The following DLGAP2 variants were observed in gnomAD, a reference collection of about 807,000 sequenced individuals.
DLGAP2 encodes the protein DLG associated protein 2.
A neutral mutation model predicts 100.3 loss-of-function variants in DLGAP2; 26 were observed. That is an observed-to-expected ratio of 0.26 (90% CI 0.19 to 0.36). The LOEUF (loss-of-function observed/expected upper bound fraction) is 0.36, where lower values mean the gene tolerates loss of function less well. DLGAP2 is among the 10% of genes least tolerant of loss of function. DLGAP2 has a pLI of 1.00. For missense variants in DLGAP2, 1,858 were observed against 1,453.2 expected (o/e 1.28, Z -4.53); for synonymous variants, 886 against 630.1 (o/e 1.41, Z -6.08).
At chr8:859,082 C>T (rs1316221161) in intron 1 of DLGAP2, among the ~76,000 whole-genome samples, 1 of 151,384 alleles carries the variant, frequency 6.6e-6, no homozygotes, top group Non-Finnish European at 1.5e-5. Flanking sequence ...TCACTAAAAA[C>T]CTGAGACATA....
At chr8:1,249,837 A>T (rs1563039115) in intron 2 of DLGAP2, among the ~76,000 whole-genome samples, 1 of 152,152 alleles carries the variant, frequency 6.6e-6, no homozygotes, top group Non-Finnish European at 1.5e-5. Flanking sequence ...GTTGAATAAT[A>T]CTGAGACCTT....
chr8:778,946 G>A lies in DLGAP2; in HGVS notation c.18+41121G>A, dbSNP rs1038769009. Among the ~76,000 whole-genome samples, 4 of 152,242 alleles carry A rather than the reference G, an allele frequency of 2.6e-5. No homozygotes were observed. In the South Asian group the frequency reaches 8.3e-4, roughly 31 times the overall value. ...TGGGCGCCCCTCCCCCAGCCTCGCT[G>A]CCACCTTGCAGTTTGATCTCAGACT... On this transcript the variant is annotated intron_variant, in intron 1 of 14. Coordinates refer to ENST00000637795, the MANE Select transcript of DLGAP2 (RefSeq NM_001346810.2).
chr8:902,344 T>C (rs1798269803), intron 1 of DLGAP2, among the ~76,000 whole-genome samples: 1 of 151,284 alleles, frequency 6.6e-6, no homozygotes, highest in Non-Finnish European at 1.5e-5. Flanking sequence ...CGGTCTTGCA[T>C]TGGCGGGCGC....
At chr8:1,170,557 C>T (rs1476619201) in intron 2 of DLGAP2, among the ~76,000 whole-genome samples, 1 of 148,024 alleles carries the variant, frequency 6.8e-6, no homozygotes, top group Non-Finnish European at 1.5e-5. Flanking sequence ...GCCACAATTT[C>T]AGCTCCTGTT....
At chr8:1,266,093 C>T (rs7009459) in intron 3 of DLGAP2, among the ~76,000 whole-genome samples, 1 of 152,144 alleles carries the variant, frequency 6.6e-6, no homozygotes, top group Non-Finnish European at 1.5e-5. Flanking sequence ...TAGAACCTCA[C>T]TGAAGGGAGT....
intron 2 of DLGAP2, among the ~76,000 whole-genome samples, chr8:1,157,363 C>T (rs1010311609): frequency 6.6e-6 from 1 of 152,104 alleles, no homozygotes; most frequent in Non-Finnish European, 1.5e-5. Context: ...TCAGGGAGTT[C>T]GAGTCCTCTT....
chr8:1,271,236 C>T (rs535370561), intron 3 of DLGAP2, among the ~76,000 whole-genome samples: 2 of 152,190 alleles, frequency 1.3e-5, no homozygotes, highest in South Asian at 4.2e-4. Flanking sequence ...GGTAAAAATC[C>T]AGCTTTCTCC....
At chr8:1,184,671 C>T (rs1212560662) in intron 2 of DLGAP2, among the ~76,000 whole-genome samples, 2 of 152,092 alleles carry the variant, frequency 1.3e-5, no homozygotes, top group East Asian at 1.9e-4. Context: ...TCGGAGTTTG[C>T]GGGAAACAGT....
At chr8:1,447,043 G>C (rs1339711884) in intron 3 of DLGAP2, among the ~76,000 whole-genome samples, 1 of 152,192 alleles carries the variant, frequency 6.6e-6, no homozygotes, top group South Asian at 2.1e-4. Flanking sequence ...TGCAAAGAGG[G>C]ACAATTTGAC....
chr8:952,025 C>G (rs930586390), intron 2 of DLGAP2, among the ~76,000 whole-genome samples: 1 of 152,220 alleles, frequency 6.6e-6, no homozygotes, highest in Non-Finnish European at 1.5e-5. Context: ...CGGGAGTGCC[C>G]TCTCCCAGTG....
intron 2 of DLGAP2, among the ~76,000 whole-genome samples, chr8:915,929 C>G (rs1179831251): frequency 6.6e-6 from 1 of 151,316 alleles, no homozygotes; most frequent in Non-Finnish European, 1.5e-5. Context: ...ATTGTACACT[C>G]TCCGCACTCT....
chr8:1,519,030 T>C (rs1249715530), intron 4 of DLGAP2, among the ~76,000 whole-genome samples: 2 of 152,140 alleles, frequency 1.3e-5, no homozygotes, highest in Non-Finnish European at 2.9e-5. Context: ...TGCCAGGATC[T>C]CAACAACGAG....
rs567229398 is a variant in DLGAP2 at position 960,978 on chromosome 8, G to T, written c.73+53012G>T. The stretch of plus-strand genomic sequence containing the variant: ...TATGATTCCAAAAAGTAATTGTGCT[G>T]CCATTGATATTCTTTTTCATCAATT... On this transcript the variant is annotated intron_variant, in intron 2 of 14. Transcript: ENST00000637795. Among the ~76,000 whole-genome samples, 16 of 152,100 alleles carry T rather than the reference G, an allele frequency of 1.1e-4. No homozygotes were observed. In the South Asian group the frequency reaches 3.3e-3, roughly 31 times the overall value.
At chr8:1,464,192 C>G (rs531367049) in intron 3 of DLGAP2, among the ~76,000 whole-genome samples, 18 of 128,280 alleles carry the variant, frequency 1.4e-4, no homozygotes, top group African/African-American at 5.4e-4. Flanking sequence ...CAGGACAGCT[C>G]CCTTCCAGGA....
intron 4 of DLGAP2, among the ~76,000 whole-genome samples, chr8:1,501,894 T>G (rs1296589345): frequency 6.6e-6 from 1 of 152,214 alleles, no homozygotes; most frequent in African/African-American, 2.4e-5. Context: ...TGCGAGAGGC[T>G]GCCACGACAC....
At chr8:1,199,908 TGGTGATGACAGCCACGA>T (rs1369361278) in intron 2 of DLGAP2, among the ~76,000 whole-genome samples, 8 of 151,820 alleles carry the variant, frequency 5.3e-5, no homozygotes, top group Non-Finnish European at 1.0e-4. Context: ...CCCCCTCCCC[TGGTGATGACAGCCACGA>T]GGTGGAAGGA....
intron 4 of DLGAP2, among the ~76,000 whole-genome samples, chr8:1,537,440 T>G (rs1380082777): frequency 1.3e-5 from 2 of 152,134 alleles, no homozygotes; most frequent in African/African-American, 4.8e-5. Flanking sequence ...TGCCAAACCC[T>G]TCCCTGATTC....
At chr8:1,139,941 G>A (rs763577063) in intron 2 of DLGAP2, among the ~76,000 whole-genome samples, 2 of 152,220 alleles carry the variant, frequency 1.3e-5, no homozygotes, top group Non-Finnish European at 2.9e-5. Context: ...GTATTTGGCA[G>A]AGCGAGGCTT....
intron 2 of DLGAP2, among the ~76,000 whole-genome samples, chr8:1,113,535 T>C (rs1364288560): frequency 6.6e-6 from 1 of 152,228 alleles, no homozygotes; most frequent in Non-Finnish European, 1.5e-5. Context: ...CTAGTGATTT[T>C]TGTACATTGA....
Sources: allele counts gnomAD v4.1 joint callset (sites outside exome capture counted in the v4.1 genomes callset), GRCh38; gene constraint gnomAD v4.1.1; transcripts MANE v1.5; gene names NCBI Gene and HGNC (gene_info 2026-07-23, HGNC 2026-07-21).